The following ACBD6 variants were observed in gnomAD, a reference collection of about 807,000 sequenced individuals.
ACBD6 encodes acyl-CoA-binding domain-containing protein 6.
In ACBD6, 28 loss-of-function variants were observed where a neutral mutation model predicts 37.2. The observed-to-expected ratio is 0.75, with a 90% CI of 0.56 to 1.03. The LOEUF is 1.03. Among genes scored for constraint, ACBD6 ranks in the 50% least tolerant of loss-of-function variants. ACBD6 has a pLI of 0.00. For missense variants in ACBD6, 340 were observed against 337.4 expected, an observed-to-expected ratio of 1.01 and a Z score of -0.06; for synonymous variants, 113 against 126.8, an observed-to-expected ratio of 0.89 and a Z score of 0.73.
intron 3 of ACBD6, among the ~76,000 whole-genome samples, chr1:180,436,548 C>T (rs1352640046): frequency 1.3e-5 from 2 of 152,126 alleles, no homozygotes; most frequent in East Asian, 1.9e-4. Context: ...TTTTTTTGCC[C>T]TTGCACCAGA....
chr1:180,326,321 G>C (rs1248643729), intron 6 of ACBD6: 1 of 152,830 alleles, frequency 6.5e-6, no homozygotes. Context: ...CCAGCCCATG[G>C]AGAGCTCTGC....
At chr1:180,431,706 C>T (rs1648818586) in intron 3 of ACBD6, among the ~76,000 whole-genome samples, 1 of 151,936 alleles carries the variant, frequency 6.6e-6, no homozygotes, top group African/African-American at 2.4e-5. Flanking sequence ...AAAACTAAAA[C>T]ATACTTGGCG....
intron 3 of ACBD6, among the ~76,000 whole-genome samples, chr1:180,474,604 T>C (rs1650710321): frequency 6.6e-6 from 1 of 152,184 alleles, no homozygotes; most frequent in Non-Finnish European, 1.5e-5. Context: ...CTTCCTCATC[T>C]GTAAGAGGGG....
chr1:180,453,651 T>C (rs112989088), intron 3 of ACBD6, among the ~76,000 whole-genome samples: 5,726 of 152,242 alleles, frequency 0.038, 302 homozygotes, highest in African/African-American at 0.11. Context: ...GAAAACCCCA[T>C]TGTCATAGCC....
intron 4 of ACBD6, among the ~76,000 whole-genome samples, chr1:180,419,301 G>A (rs1648249422): frequency 6.6e-6 from 1 of 152,190 alleles, no homozygotes; most frequent in African/African-American, 2.4e-5. Flanking sequence ...TAGACATTTG[G>A]AAACTATTAC....
chr1:180,460,881 G>T (rs1026002545), intron 3 of ACBD6, among the ~76,000 whole-genome samples: 4 of 152,182 alleles, frequency 2.6e-5, no homozygotes, highest in African/African-American at 9.6e-5. Context: ...CAAGGGTTCG[G>T]ACTGTGGCTG....
chr1:180,358,516 TA>T (rs771226276), intron 6 of ACBD6, among the ~76,000 whole-genome samples: 22 of 136,328 alleles, frequency 1.6e-4, no homozygotes, highest in Admixed American at 3.0e-4. Context: ...TGGTTATCCT[TA>T]AAAAAAAAAG....
intron 10 of ACBD6, chr1:180,274,312 G>A (rs1281263356): frequency 1.2e-6 from 2 of 1,614,230 alleles, no homozygotes; most frequent in Non-Finnish European, 8.5e-7. Flanking sequence ...ATCAGGACTT[G>A]AGGGATGGGA....
intron 9 of ACBD6, among the ~76,000 whole-genome samples, chr1:180,280,635 C>T (rs932281255): frequency 1.3e-5 from 2 of 152,288 alleles, no homozygotes; most frequent in East Asian, 1.9e-4. Flanking sequence ...AATCATCTCC[C>T]GCGTTAAGTG....
chr1:180,489,507 A>G (rs1651404716), intron 3 of ACBD6, among the ~76,000 whole-genome samples: 1 of 151,282 alleles, frequency 6.6e-6, no homozygotes, highest in Admixed American at 6.6e-5. Context: ...TAAATATATT[A>G]ATTTTTTAAA....
chr1:180,298,464 C>A (rs912734360), intron 7 of ACBD6, among the ~76,000 whole-genome samples: 1 of 152,146 alleles, frequency 6.6e-6, no homozygotes, highest in African/African-American at 2.4e-5. Context: ...CAAAAGATGG[C>A]CATCTCAGAC....
At chr1:180,440,114 T>G (rs1027764260) in intron 3 of ACBD6, among the ~76,000 whole-genome samples, 2 of 152,142 alleles carry the variant, frequency 1.3e-5, no homozygotes, top group African/African-American at 4.8e-5. Flanking sequence ...TTTATTTATT[T>G]ATTTTTATTT....
chr1:180,381,595 A>T (rs988259861), intron 6 of ACBD6, among the ~76,000 whole-genome samples: 2 of 152,218 alleles, frequency 1.3e-5, no homozygotes, highest in Non-Finnish European at 2.9e-5. Flanking sequence ...CATGGAAATT[A>T]GACAACATGC....
At chr1:180,324,518 G>A (rs1247594203) in intron 6 of ACBD6, among the ~76,000 whole-genome samples, 1 of 151,698 alleles carries the variant, frequency 6.6e-6, no homozygotes, top group Non-Finnish European at 1.5e-5. Flanking sequence ...TTAATTCTCT[G>A]ACTTTTTAAC....
intron 10 of ACBD6, chr1:180,274,463 A>G: frequency 6.2e-7 from 1 of 1,614,180 alleles, no homozygotes; most frequent in Non-Finnish European, 8.5e-7. Context: ...CCAGACGCTG[A>G]GAGCCATGGC....
chr1:180,335,143 T>C (rs1651650631), intron 6 of ACBD6, among the ~76,000 whole-genome samples: 1 of 151,998 alleles, frequency 6.6e-6, no homozygotes, highest in Non-Finnish European at 1.5e-5. Context: ...AACATTCAAA[T>C]TCAGGAAATA....
chr1:180,271,309 G>A, exon 14 of ACBD6: 1 of 1,545,080 alleles, frequency 6.5e-7, no homozygotes, highest in South Asian at 1.1e-5. Flanking sequence ...AAGGATGGAA[G>A]GGAGGGTGTG....
intron 3 of ACBD6, among the ~76,000 whole-genome samples, chr1:180,444,286 C>CAAAAAAAAAAAAAAAAAAAA (rs71719682): frequency 2.6e-5 from 3 of 114,770 alleles, no homozygotes; most frequent in African/African-American, 9.2e-5. Flanking sequence ...TCCGTCTCTC[C>CAAAAAAAAAAAAAAAAAAAA]AAAAAAAAAA....
At chr1:180,340,574 T>C (rs1343463000) in intron 6 of ACBD6, among the ~76,000 whole-genome samples, 1 of 151,440 alleles carries the variant, frequency 6.6e-6, no homozygotes, top group Admixed American at 6.6e-5. Context: ...GGCTAGAGGA[T>C]AGCAGTATAA....
Sources: allele counts gnomAD v4.1 joint callset (sites outside exome capture counted in the v4.1 genomes callset), GRCh38; gene constraint gnomAD v4.1.1; transcripts MANE v1.5; gene names NCBI Gene and HGNC (gene_info 2026-07-23, HGNC 2026-07-21).